The following SPPL3 variants were observed in gnomAD, a reference collection of about 807,000 sequenced individuals.
SPPL3 encodes the protein signal peptide peptidase like 3, also known as signal peptide peptidase-like 3.
In SPPL3, 5 loss-of-function variants were observed where a neutral mutation model predicts 42.4. The observed-to-expected ratio is 0.12, with a 90% CI of 0.06 to 0.25. SPPL3 has a LOEUF of 0.25. SPPL3 is among the 10% of genes least tolerant of loss of function. The pLI is 1.00. For missense variants in SPPL3, 235 were observed against 489.0 expected (o/e 0.48, Z 4.90); for synonymous variants, 195 against 181.8 (o/e 1.07, Z -0.58).
At chr12:120,841,634 CAGA>C (rs1871836104) in intron 1 of SPPL3, among the ~76,000 whole-genome samples, 1 of 152,132 alleles carries the variant, frequency 6.6e-6, no homozygotes, top group Non-Finnish European at 1.5e-5. Flanking sequence ...CTGTGTAAGT[CAGA>C]AGTTCTGGAA....
intron 1 of SPPL3, among the ~76,000 whole-genome samples, chr12:120,847,477 G>T (rs917328707): frequency 5.9e-5 from 9 of 152,180 alleles, no homozygotes; most frequent in African/African-American, 1.9e-4. Context: ...ATCCTTTGTA[G>T]AGACAAGGTT....
At chr12:120,856,010 A>G (rs766004482) in intron 1 of SPPL3, among the ~76,000 whole-genome samples, 2 of 152,214 alleles carry the variant, frequency 1.3e-5, no homozygotes, top group Non-Finnish European at 2.9e-5. Flanking sequence ...GTGATCATGA[A>G]AACATTCTAG....
At chr12:120,893,779 CTCT>C (rs1017134872) in intron 1 of SPPL3, among the ~76,000 whole-genome samples, 7 of 152,096 alleles carry the variant, frequency 4.6e-5, no homozygotes, top group Admixed American at 4.6e-4. Flanking sequence ...CTTCTGATTC[CTCT>C]TCTTCCTGAC....
intron 1 of SPPL3, among the ~76,000 whole-genome samples, chr12:120,863,028 T>C (rs538383870): frequency 2.0e-5 from 3 of 152,316 alleles, no homozygotes; most frequent in South Asian, 4.1e-4. Flanking sequence ...GCCAGGAACC[T>C]GGGATAAAGA....
rs144137127 is a variant in SPPL3, at chr12:120,850,612, T to C, written c.24-39726A>G. 5.9e-3 allele frequency among the ~76,000 whole-genome samples: 893 copies of C among 151,730 alleles called. 11 individuals are homozygous for C. The highest frequency in any genetic ancestry group is 0.02 in the African/African-American group (808 of 41,322). The stretch of plus-strand genomic sequence containing the variant: ...GGACGTTAGGGTTTTTCAAACACTT[T>C]CCCTTTTTAAATGTGAGTAACATCC... On this transcript the variant is annotated intron_variant, in intron 1 of 10. Coordinates refer to ENST00000353487, the MANE Select transcript of SPPL3 (RefSeq NM_139015.5).
rs142862897 is a variant in SPPL3, at chr12:120,871,697, G to A, written c.23+32148C>T. ...GAACCTGCAAGGCGGAGGTTGCAGCGAGCCGAGATTGTGCCACTGCACTCC... is the reference window on the plus strand; with the variant it reads ...GAACCTGCAAGGCGGAGGTTGCAGCAAGCCGAGATTGTGCCACTGCACTCC... On this transcript the variant is annotated intron_variant, in intron 1 of 10. Transcript: ENST00000353487. 3.4e-3 allele frequency among the ~76,000 whole-genome samples: 510 copies of A among 152,146 alleles called. 3 individuals carry two copies. The highest frequency in any genetic ancestry group is 0.012 in the African/African-American group (493 of 41,520).
rs1423047519 is a variant in SPPL3 at position 120,903,935 on chromosome 12, C to T, written c.-68G>A. On this transcript the variant is annotated 5_prime_UTR_variant, in exon 1 of 11. Coordinates refer to ENST00000353487, the MANE Select transcript of SPPL3 (RefSeq NM_139015.5). Reference sequence around the variant, plus strand: ...CCGGCGGCGGCGGGCTCGCTCGGGCCGTAGCTGAAGGCGCGGCCGGGGTCC... The same window carrying T: ...CCGGCGGCGGCGGGCTCGCTCGGGCTGTAGCTGAAGGCGCGGCCGGGGTCC... 1.6e-6 allele frequency: 2 copies of T among 1,273,198 alleles called. No homozygotes were observed. The highest frequency in any genetic ancestry group is 2.3e-5 in the South Asian group (1 of 43,452). 78.9% of individuals were successfully genotyped at this position (1,273,198 alleles called of 1,614,324 possible).
Position 120,840,649 on chromosome 12 carries a change from T to C in SPPL3, c.24-29763A>G, listed in dbSNP as rs530945987. ...GAGTTCAAGACCAGCCTGGGCAATA[T>C]GGAAAAACCCTATCTCTACAAAAAA... On this transcript the variant is annotated intron_variant, in intron 1 of 10. Transcript: ENST00000353487. Among the ~76,000 whole-genome samples, 7 of 151,838 alleles carry C rather than the reference T, an allele frequency of 4.6e-5. No individual in the cohort carries two copies. The East Asian group carries it at 9.7e-4, about 21-fold the overall frequency.
chr12:120,775,628 T>G (rs1869286761), intron 6 of SPPL3, among the ~76,000 whole-genome samples: 1 of 152,198 alleles, frequency 6.6e-6, no homozygotes, highest in Non-Finnish European at 1.5e-5. Flanking sequence ...CTATGATCCT[T>G]GATCACTAGG....
chr12:120,902,664 T>C (rs1376582630), intron 1 of SPPL3, among the ~76,000 whole-genome samples: 2 of 152,226 alleles, frequency 1.3e-5, no homozygotes, highest in African/African-American at 4.8e-5. Context: ...CCACACGGCA[T>C]GCTCGTCCCA....
rs114936059 is a variant in SPPL3 at position 120,848,895 on chromosome 12, G to T, written c.24-38009C>A. Among the ~76,000 whole-genome samples, 513 of 152,074 alleles carry T rather than the reference G, an allele frequency of 3.4e-3. 3 individuals carry two copies. Among genetic ancestry groups the T allele is most frequent in the African/African-American group, 0.012 (496 of 41,496 alleles). Reference sequence around the variant, plus strand: ...AATAACACTAATGATCAATGAGCAAGCTACAGGTGATTTGTGTAACACTCA... The same window carrying T: ...AATAACACTAATGATCAATGAGCAATCTACAGGTGATTTGTGTAACACTCA... On this transcript the variant is annotated intron_variant, in intron 1 of 10. Transcript: ENST00000353487.
chr12:120,857,774 A>C (rs1003053221), intron 1 of SPPL3, among the ~76,000 whole-genome samples: 2 of 152,240 alleles, frequency 1.3e-5, no homozygotes, highest in African/African-American at 4.8e-5. Flanking sequence ...CAATGAGAAC[A>C]CATGGACACA....
chr12:120,870,557 T>C (rs921014080), intron 1 of SPPL3, among the ~76,000 whole-genome samples: 9 of 152,124 alleles, frequency 5.9e-5, no homozygotes, highest in East Asian at 5.8e-4. Flanking sequence ...TTATTCACAA[T>C]AGCCAAAGGG....
chr12:120,900,983 T>G (rs1333564973), intron 1 of SPPL3, among the ~76,000 whole-genome samples: 1 of 143,628 alleles, frequency 7.0e-6, no homozygotes, highest in Non-Finnish European at 1.5e-5. Flanking sequence ...AAGGGAAGAG[T>G]GACAAAGATA....
At chr12:120,834,343 C>T (rs1405197121) in intron 1 of SPPL3, among the ~76,000 whole-genome samples, 1 of 152,074 alleles carries the variant, frequency 6.6e-6, no homozygotes, top group South Asian at 2.1e-4. Context: ...GAAATGTGAT[C>T]GGTGGTCCAT....
At position 120,846,627 on chromosome 12, in the gene SPPL3, T is replaced by C. The variant is rs546266553; in HGVS notation, c.24-35741A>G. On this transcript the variant is annotated intron_variant, in intron 1 of 10. Coordinates refer to ENST00000353487, the MANE Select transcript of SPPL3 (RefSeq NM_139015.5). Reference sequence around the variant, plus strand: ...AGAGTGGAAAGAGAAGTCTCAAAATTGGAGTTTTAAAAACTTGCAACAAAT... The same window carrying C: ...AGAGTGGAAAGAGAAGTCTCAAAATCGGAGTTTTAAAAACTTGCAACAAAT... 2.2e-4 allele frequency among the ~76,000 whole-genome samples: 34 copies of C among 152,272 alleles called. No homozygotes were observed. The South Asian group carries it at 5.6e-3, about 25-fold the overall frequency.
intron 1 of SPPL3, among the ~76,000 whole-genome samples, chr12:120,811,774 G>T (rs1173540461): frequency 6.6e-6 from 1 of 152,086 alleles, no homozygotes; most frequent in Non-Finnish European, 1.5e-5. Flanking sequence ...GGGATATACA[G>T]TAATAAATAA....
intron 6 of SPPL3, 87 bp downstream of exon 6, chr12:120,782,568 G>A (rs894291861): frequency 9.8e-7 from 1 of 1,023,658 alleles, no homozygotes; most frequent in African/African-American, 1.6e-5. Flanking sequence ...TTATTGTAGT[G>A]ATGGTTGTAC....
intron 1 of SPPL3, among the ~76,000 whole-genome samples, chr12:120,876,634 A>AAAAAAAAAAAAAAAG (rs1483322103): frequency 4.7e-5 from 7 of 148,616 alleles, no homozygotes; most frequent in African/African-American, 4.9e-5. Context: ...AAAAAAAAAA[A>AAAAAAAAAAAAAAAG]AAGAAGAAAG....
Sources: gnomAD v4.1 joint callset for allele counts (sites outside exome capture counted in the v4.1 genomes callset) on GRCh38, gnomAD v4.1.1 for gene constraint, MANE v1.5 for transcripts, NCBI Gene and HGNC (gene_info 2026-07-23, HGNC 2026-07-21) for gene names.